ANKRD11: variants seen among roughly 807,000 people sequenced by gnomAD.
ANKRD11 encodes ankyrin repeat domain 11.
ANKRD11 carries 17 observed loss-of-function variants against 195.7 expected under a neutral mutation model. The observed-to-expected ratio is 0.09, with a 90% CI of 0.06 to 0.13. ANKRD11 has a LOEUF of 0.13. ANKRD11 is among the 10% of genes least tolerant of loss of function. The pLI, the probability that ANKRD11 is intolerant of heterozygous loss-of-function variation, is 1.00. For synonymous variants in ANKRD11, 1,953 were observed against 1,528.1 expected (o/e 1.28, Z -6.49); for missense variants, 3,735 against 3,566.1 (o/e 1.05, Z -1.21).
intron 7 of ANKRD11, chr16:89,287,220 G>C (rs1414350246): frequency 3.0e-6 from 2 of 662,016 alleles, no homozygotes; most frequent in East Asian, 6.7e-5. Flanking sequence ...AGCAGCGCAG[G>C]TGCGGCCCTC....
Position 89,283,873 on chromosome 16 carries a change from C to T in ANKRD11, c.2669G>A (p.Arg890Gln), listed in dbSNP as rs200971432. The T allele has an allele frequency of 2.4e-5, 39 of 1,614,024 alleles. No homozygotes were observed. The highest frequency in any genetic ancestry group is 3.3e-4 in the Middle Eastern group (2 of 6,084). Reference protein sequence around the residue: ...TVKEDSKERRRDSRAREKRDY... With the variant: ...TVKEDSKERRQDSRAREKRDY... ...TCGCTTCTCCCGGGCCCGGCTGTCC[C>T]GCCTCCTCTCCTTGCTGTCCTCCTT... The change falls in exon 9 of 13, where the codon CGG becomes CAG. Residue 890 changes from arginine (R) to glutamine (Q), a missense_variant. Transcript: ENST00000301030. The surrounding 1 kb of genome is among the most constrained non-coding windows in gnomAD (Gnocchi z 4.3).
At chr16:89,316,771 G>A (rs916016843) in intron 3 of ANKRD11, among the ~76,000 whole-genome samples, 162 bp downstream of exon 3, 45 of 152,308 alleles carry the variant, frequency 3.0e-4, no homozygotes, top group African/African-American at 1.1e-3. Flanking sequence ...GCCACTTTGG[G>A]AAAGATCACT....
intron 2 of ANKRD11, among the ~76,000 whole-genome samples, chr16:89,363,039 C>T (rs2039798808): frequency 6.6e-6 from 1 of 151,928 alleles, no homozygotes; most frequent in East Asian, 1.9e-4. Flanking sequence ...AAACTGCTGG[C>T]GAGTGTACCC....
chr16:89,304,966 G>C, intron 4 of ANKRD11: 1 of 597,662 alleles, frequency 1.7e-6, no homozygotes, highest in Non-Finnish European at 2.9e-6. Flanking sequence ...GCATCTCCAC[G>C]TGTGTGGGAC....
intron 2 of ANKRD11, among the ~76,000 whole-genome samples, chr16:89,364,480 C>G (rs1052942728): frequency 6.6e-6 from 1 of 152,186 alleles, no homozygotes; most frequent in Non-Finnish European, 1.5e-5. Context: ...AGATTTAACT[C>G]CAGAGCAGAG....
Position 89,429,084 on chromosome 16 carries a change from G to A in ANKRD11, c.-144-10716C>T, listed in dbSNP as rs117003586. Among the ~76,000 whole-genome samples the A allele has an allele frequency of 8.6e-5, 13 of 151,780 alleles. No homozygotes were observed. In the East Asian group the frequency reaches 2.5e-3, roughly 29 times the overall value. On this transcript the variant is annotated intron_variant, in intron 1 of 12. Transcript: ENST00000301030. ...GAGAGAACAGCAACGTCCCTGCAGC[G>A]TGGGATTCTCAACTCTCACGCTCAG...
intron 2 of ANKRD11, among the ~76,000 whole-genome samples, chr16:89,375,669 G>A (rs984386958): frequency 2.0e-5 from 3 of 150,720 alleles, no homozygotes; most frequent in African/African-American, 7.3e-5. Flanking sequence ...TGGCCAGGCT[G>A]GTCTCAAGCT....
chr16:89,352,269 CTGG>C lies in ANKRD11; in HGVS notation c.-59-35194_-59-35192del, dbSNP rs1187005368. Among the ~76,000 whole-genome samples the C allele has an allele frequency of 1.5e-4, 23 of 152,158 alleles. No homozygotes were observed. In the East Asian group the frequency reaches 3.3e-3, roughly 22 times the overall value. On this transcript the variant is annotated intron_variant, in intron 2 of 12. Coordinates refer to ENST00000301030, the MANE Select transcript of ANKRD11 (RefSeq NM_013275.6). ...CACGAGACAAGACTTGTCCTAAGGA[CTGG>C]ATCTCACAGTGGCCAGGTATGCATC...
At chr16:89,441,419 C>T (rs1228482299) in intron 1 of ANKRD11, among the ~76,000 whole-genome samples, 1 of 152,062 alleles carries the variant, frequency 6.6e-6, no homozygotes, top group Non-Finnish European at 1.5e-5. Context: ...TATATTCCAT[C>T]ACCCAGCAAC....
At position 89,317,021 on chromosome 16, in the gene ANKRD11, G is replaced by A. The variant is rs756684707; in HGVS notation, c.-2C>T. ...TTTAGGGCACCCACCCTTGGGCATC[G>A]TCCTGCTCCTCACCCGATCTTCATT... is the stretch of plus-strand genomic sequence containing the variant. On this transcript the variant is annotated 5_prime_UTR_variant, in exon 3 of 13. It adds an upstream start codon to the 5' untranslated region. Coordinates refer to ENST00000301030, the MANE Select transcript of ANKRD11 (RefSeq NM_013275.6). 3 of 1,612,868 alleles carry A rather than the reference G, an allele frequency of 1.9e-6. No homozygotes were observed. Among genetic ancestry groups the A allele is most frequent in the South Asian group, 1.1e-5 (1 of 90,722 alleles).
At position 89,442,858 on chromosome 16, in the gene ANKRD11, GC is replaced by G. The variant is rs71387693; in HGVS notation, c.-144-24491del. On this transcript the variant is annotated intron_variant, in intron 1 of 12. Transcript: ENST00000301030. The stretch of plus-strand genomic sequence containing the variant: ...CTCCTGCCCCTTACAGCACAAGCCG[GC>G]CACCACCTCCCACGGGCCCTGACAC... Among the ~76,000 whole-genome samples the G allele has an allele frequency of 2.0e-3, 311 of 152,282 alleles. 2 individuals are homozygous for G. The highest frequency in any genetic ancestry group is 3.1e-3 in the South Asian group (15 of 4,822).
At chr16:89,384,874 GTTTTCTTT>G (rs1197068077) in intron 2 of ANKRD11, among the ~76,000 whole-genome samples, 44 of 72,768 alleles carry the variant, frequency 6.0e-4, no homozygotes, top group African/African-American at 2.3e-3. Context: ...ATGAGAAATA[GTTTTCTTT>G]TTTTTTTTTT....
chr16:89,333,005 G>A (rs984027552), intron 2 of ANKRD11, among the ~76,000 whole-genome samples: 4 of 152,222 alleles, frequency 2.6e-5, no homozygotes, highest in African/African-American at 9.6e-5. Flanking sequence ...TGTGCACCCG[G>A]GGAATTTCAC....
intron 2 of ANKRD11, among the ~76,000 whole-genome samples, chr16:89,364,768 A>C (rs1367522705): frequency 6.6e-6 from 1 of 152,198 alleles, no homozygotes; most frequent in Non-Finnish European, 1.5e-5. Context: ...TCCCTGTCAG[A>C]CTGTAAACAC....
At chr16:89,293,127 C>T (rs2035172696) in intron 4 of ANKRD11, among the ~76,000 whole-genome samples, 1 of 152,188 alleles carries the variant, frequency 6.6e-6, no homozygotes, top group South Asian at 2.1e-4. Context: ...GGGCCCTGAT[C>T]CCCAAGACCT....
Position 89,291,280 on chromosome 16 carries a change from C to T in ANKRD11, c.227-97G>A. The T allele has an allele frequency of 1.4e-6, 2 of 1,441,808 alleles. No homozygotes were observed. The highest frequency in any genetic ancestry group is 1.2e-5 in the South Asian group (1 of 84,984). The allele number at this position is 1,441,808 out of a possible 1,614,324, so 89.3% of individuals were successfully genotyped here. On this transcript the variant is annotated intron_variant, in intron 4 of 12. Coordinates refer to ENST00000301030, the MANE Select transcript of ANKRD11 (RefSeq NM_013275.6). This position sits in a 1 kb window ranked among gnomAD's most constrained non-coding sequence, Gnocchi z 5.3. ...CTAATGTTACGGAGCCCCCTGCGTC[C>T]ACCTGACAGCTGACAGAGCAGAAAG...
At chr16:89,377,368 C>T (rs1469589798) in intron 2 of ANKRD11, among the ~76,000 whole-genome samples, 5 of 151,862 alleles carry the variant, frequency 3.3e-5, no homozygotes, top group Admixed American at 2.6e-4. Context: ...AAACCCAAAA[C>T]AATGAACTCC....
chr16:89,371,986 A>G (rs2040212744), intron 2 of ANKRD11, among the ~76,000 whole-genome samples: 1 of 152,188 alleles, frequency 6.6e-6, no homozygotes, highest in African/African-American at 2.4e-5. Context: ...CAGAGGCTCT[A>G]AAGATGGGAC....
chr16:89,383,163 T>C (rs546618755), intron 2 of ANKRD11, among the ~76,000 whole-genome samples: 3 of 152,336 alleles, frequency 2.0e-5, no homozygotes, highest in Admixed American at 1.3e-4. Context: ...CAGCCGCCTG[T>C]GCTGCTGAGT....
Sources: allele counts gnomAD v4.1 joint callset (sites outside exome capture counted in the v4.1 genomes callset), GRCh38; gene constraint gnomAD v4.1.1; non-coding constraint Gnocchi (gnomAD v3.1); transcripts MANE v1.5; gene names NCBI Gene and HGNC (gene_info 2026-07-23, HGNC 2026-07-21).